Variants in DNAH7 observed in about 807,000 individuals in gnomAD.
The protein encoded by DNAH7 is axonemal beta dynein heavy chain 7.
DNAH7 carries 397 observed loss-of-function variants against 444.6 expected under a neutral mutation model. That is an observed-to-expected ratio of 0.89 (90% CI 0.82 to 0.97). The LOEUF (loss-of-function observed/expected upper bound fraction) is 0.97. DNAH7 is among the 50% of genes least tolerant of loss of function. The pLI is 0.00. For missense variants in DNAH7, 4,902 were observed against 4,800.8 expected, an observed-to-expected ratio of 1.02 and a Z score of -0.62; for synonymous variants, 1,636 against 1,624.4, an observed-to-expected ratio of 1.01 and a Z score of -0.17.
chr2:195,809,938 C>A lies in DNAH7; in HGVS notation c.9762-67G>T, dbSNP rs566757711. Reference sequence around the variant, plus strand: ...CTTTAAAGATAATGCTCTTAAGAAACTTACATGTATGTTCTTCTGATAAAC... The same window carrying A: ...CTTTAAAGATAATGCTCTTAAGAAAATTACATGTATGTTCTTCTGATAAAC... On this transcript the variant is annotated intron_variant, in intron 51 of 64. Coordinates refer to ENST00000312428, the MANE Select transcript of DNAH7 (RefSeq NM_018897.3). The A allele has an allele frequency of 1.4e-5, 18 of 1,261,332 alleles. No individual in the cohort carries two copies. The East Asian group carries it at 4.7e-4, about 33-fold the overall frequency. The allele number at this position is 1,261,332 out of a possible 1,614,324, so 78.1% of individuals were successfully genotyped here. A position where few individuals can be genotyped will look rare whatever the true frequency, so the allele number is the denominator to read the frequency against.
At chr2:195,927,637 C>A (rs1257486534) in intron 21 of DNAH7, among the ~76,000 whole-genome samples, 1 of 151,630 alleles carries the variant, frequency 6.6e-6, no homozygotes, top group Non-Finnish European at 1.5e-5. Context: ...ACATTCAAAT[C>A]TGGATCACAA....
intron 41 of DNAH7, among the ~76,000 whole-genome samples, chr2:195,862,872 C>A (rs981516500): frequency 6.6e-6 from 1 of 152,180 alleles, no homozygotes; most frequent in East Asian, 1.9e-4. Context: ...CCCGTCTCTA[C>A]TAAAAATACA....
At chr2:195,844,314 C>T (rs948704191) in intron 47 of DNAH7, among the ~76,000 whole-genome samples, 3 of 152,070 alleles carry the variant, frequency 2.0e-5, no homozygotes, top group African/African-American at 7.2e-5. Context: ...AATATCTGTG[C>T]TATCGTTAAC....
At chr2:195,752,428 A>AT (rs1320224564) in intron 63 of DNAH7, among the ~76,000 whole-genome samples, 1 of 152,154 alleles carries the variant, frequency 6.6e-6, no homozygotes, top group Non-Finnish European at 1.5e-5. Flanking sequence ...TATTCAGGAG[A>AT]TACCAAAGTG....
At chr2:196,045,167 G>GAGGAGGAGGAAGAGAAGAGGAGA (rs1697027815) in intron 5 of DNAH7, among the ~76,000 whole-genome samples, 1 of 148,574 alleles carries the variant, frequency 6.7e-6, no homozygotes. Flanking sequence ...GAAGAAGGAG[G>GAGGAGGAGGAAGAGAAGAGGAGA]AGGAGGAGGA....
At chr2:195,976,755 G>GAGAGAGAGAC (rs1259732249) in intron 15 of DNAH7, among the ~76,000 whole-genome samples, 40 of 122,468 alleles carry the variant, frequency 3.3e-4, no homozygotes, top group African/African-American at 1.5e-3. Flanking sequence ...GACAGAGAGA[G>GAGAGAGAGAC]AGAGAGAGAG....
chr2:195,836,217 T>G (rs1698364481), intron 47 of DNAH7, among the ~76,000 whole-genome samples: 1 of 152,152 alleles, frequency 6.6e-6, no homozygotes, highest in Admixed American at 6.5e-5. Context: ...AGTTACCTCT[T>G]TAAAGGACCT....
rs1437502685 is a variant in DNAH7 at position 195,756,148 on chromosome 2, T to C, written c.11571A>G (p.Arg3857=). The change falls in exon 62 of 65, where the codon AGA becomes AGG. Residue 3857 remains arginine, a synonymous_variant. Transcript: ENST00000312428. Reference sequence around the variant, plus strand: ...ACGAACTTACCTGCAAGAATTTTAGTCTTGCAAGGAAGTCATTCACATAGC... The same window carrying C: ...ACGAACTTACCTGCAAGAATTTTAGCCTTGCAAGGAAGTCATTCACATAGC... The part of the protein sequence containing the change: ...LGSYVNDFLA[R]LKFLQQWYEV... 1.9e-6 allele frequency: 3 copies of C among 1,597,762 alleles called. No homozygotes were observed. The highest frequency in any genetic ancestry group is 4.5e-5 in the East Asian group (2 of 44,538).
chr2:196,008,565 ATATCATTTGGCCATACTGAAG>A (rs1276244833), intron 10 of DNAH7, among the ~76,000 whole-genome samples: 2 of 152,230 alleles, frequency 1.3e-5, no homozygotes, highest in African/African-American at 4.8e-5. Context: ...ATATACTGAA[ATATCATTTGGCCATACTGAAG>A]TATCATTTGG....
intron 63 of DNAH7, among the ~76,000 whole-genome samples, chr2:195,748,827 A>G (rs1330515807): frequency 6.6e-6 from 1 of 152,230 alleles, no homozygotes; most frequent in Non-Finnish European, 1.5e-5. Flanking sequence ...CCTTATACAA[A>G]AATTAATTCA....
At chr2:195,783,288 C>T (rs977770600) in intron 58 of DNAH7, among the ~76,000 whole-genome samples, 3 of 152,200 alleles carry the variant, frequency 2.0e-5, no homozygotes, top group Admixed American at 6.5e-5. Context: ...TCATGATAGT[C>T]TCCTGTATTA....
In DNAH7 at chr2:195,853,439, C is replaced by A. The variant is rs1334795185; in HGVS notation, c.8685G>T (p.Leu2895=). The change falls in exon 46 of 65, where the codon CTG becomes CTT. Residue 2895 remains leucine (L), a synonymous_variant. Transcript: ENST00000312428. ...AGTTGATGTACAGCTGACCTAGCTC[C>A]AGAGCTGTGTGGCTCCATCGAGTTT... The part of the protein sequence containing the change: ...GEKTRWSHTA[L]ELGQLYINLT... 1.9e-6 allele frequency: 3 copies of A among 1,614,094 alleles called. No homozygotes were observed. The highest frequency in any genetic ancestry group is 1.7e-5 in the Admixed American group (1 of 60,014).
intron 1 of DNAH7, among the ~76,000 whole-genome samples, chr2:196,058,995 T>C (rs557317982): frequency 6.6e-6 from 1 of 152,150 alleles, no homozygotes; most frequent in Non-Finnish European, 1.5e-5. Context: ...ATCAAGGGAA[T>C]AGAATTAGGA....
rs1189790372 is a variant in DNAH7, at chr2:195,987,586, C to T, written c.1626+371G>A. Among the ~76,000 whole-genome samples, 4 of 152,148 alleles carry T rather than the reference C, an allele frequency of 2.6e-5. No homozygotes were observed. In the South Asian group the frequency reaches 8.3e-4, roughly 32 times the overall value. ...GGACAGAAAAGAAAATTTTAAGTTA[C>T]TAGTATTCTACTAAACAGAACCATA... is the stretch of plus-strand genomic sequence containing the variant. On this transcript the variant is annotated intron_variant, in intron 13 of 64. Coordinates refer to ENST00000312428, the MANE Select transcript of DNAH7 (RefSeq NM_018897.3).
intron 53 of DNAH7, 140 bp downstream of exon 53, chr2:195,808,542 G>T: frequency 1.1e-6 from 1 of 894,146 alleles, no homozygotes; most frequent in Non-Finnish European, 1.7e-6. Flanking sequence ...TTAGAAGGGG[G>T]GATAACATAA....
chr2:195,806,921 A>G, intron 53 of DNAH7, 89 bp from the exon 54 acceptor site: 1 of 911,596 alleles, frequency 1.1e-6, no homozygotes, highest in South Asian at 1.8e-5. Flanking sequence ...AGAATATATA[A>G]ATGAAATCAA....
In DNAH7 at chr2:195,897,943, GT is replaced by G. The variant is rs149859229; in HGVS notation, c.4549-179del. On this transcript the variant is annotated intron_variant, in intron 28 of 64. Transcript: ENST00000312428. ...AGAAACTGACATTTAAACTTGTTGT[GT>G]TTTTTTTTACTAGTTTATAATAAAA... Among the ~76,000 whole-genome samples the G allele has an allele frequency of 3.1e-3, 464 of 151,064 alleles. 4 individuals carry two copies. Among genetic ancestry groups the G allele is most frequent in the African/African-American group, 0.011 (439 of 41,246 alleles).
At chr2:195,891,884 A>G in intron 30 of DNAH7, 80 bp from the exon 31 acceptor site, 1 of 1,137,862 alleles carries the variant, frequency 8.8e-7, no homozygotes, top group Non-Finnish European at 1.2e-6. Flanking sequence ...CATACAGAAA[A>G]TCCTAAGGAA....
intron 58 of DNAH7, among the ~76,000 whole-genome samples, chr2:195,780,162 G>C (rs1695304391): frequency 6.6e-6 from 1 of 151,930 alleles, no homozygotes; most frequent in Non-Finnish European, 1.5e-5. Flanking sequence ...AGAAAACAGA[G>C]TATTATCATT....
Sources: gnomAD v4.1 joint callset for allele counts (sites outside exome capture counted in the v4.1 genomes callset) on GRCh38, gnomAD v4.1.1 for gene constraint, MANE v1.5 for transcripts, NCBI Gene and HGNC (gene_info 2026-07-23, HGNC 2026-07-21) for gene names.